The following ZFPL1 variants were observed in gnomAD, a reference collection of about 807,000 sequenced individuals.
ZFPL1 encodes zinc finger protein like 1.
Under a neutral mutation model 32.0 loss-of-function variants are expected in ZFPL1, and 28 were observed. The observed-to-expected ratio is 0.87, with a 90% confidence interval of 0.65 to 1.20. The LOEUF (loss-of-function observed/expected upper bound fraction) is 1.20. Ranked by LOEUF, ZFPL1 falls within the 50% of genes most tolerant of loss-of-function variation. The probability of loss-of-function intolerance (pLI) is 0.00; values close to 1 mark genes in which losing one functional copy is unlikely to be tolerated. For missense variants in ZFPL1, 386 were observed against 424.8 expected, an observed-to-expected ratio of 0.91 and a Z score of 0.80; for synonymous variants, 165 against 177.0, an observed-to-expected ratio of 0.93 and a Z score of 0.54.
chr11:65,088,229 C>CTAAG lies in ZFPL1; in HGVS notation c.*116_*119dup. 2 of 1,359,378 alleles carry CTAAG rather than the reference C, an allele frequency of 1.5e-6. No individual in the cohort carries two copies. The highest frequency in any genetic ancestry group is 2.0e-6 in the Non-Finnish European group (2 of 992,726). 84.2% of individuals were successfully genotyped at this position (1,359,378 alleles called of 1,614,324 possible). On this transcript the variant is annotated 3_prime_UTR_variant, in exon 8 of 8. Coordinates refer to ENST00000294258, the MANE Select transcript of ZFPL1 (RefSeq NM_006782.4). ...GCCCCTCTCCCTCAAGCCTAAGACA[C>CTAAG]TAAGACCCCAGACCCAAAGCCAAGT...
Position 65,084,330 on chromosome 11 carries a change from C to T in ZFPL1, c.-57C>T, listed in dbSNP as rs902279224. 9.8e-6 allele frequency: 5 copies of T among 510,662 alleles called. No homozygotes were observed. In the Admixed American group the frequency reaches 1.1e-4, roughly 12 times the overall value. 31.6% of individuals were successfully genotyped at this position (510,662 alleles called of 1,614,324 possible). On this transcript the variant is annotated 5_prime_UTR_variant, in exon 1 of 8. Transcript: ENST00000294258. ...CTTCCGCGCCTCGAGCCATCGCTAC[C>T]GCCCTTCGGAACCAGTGCAGCGGCC...
chr11:65,085,409 C>T, intron 3 of ZFPL1, 183 bp downstream of exon 3: 1 of 620,236 alleles, frequency 1.6e-6, no homozygotes, highest in Admixed American at 2.7e-5. Context: ...CTTTCTAGGC[C>T]TCACTGTCTT....
In ZFPL1 at chr11:65,084,253, G is replaced by GGCCGGGGCTGAAGGGAGAGGC. The variant is rs1264755896; in HGVS notation, c.-131_-111dup. On this transcript the variant is annotated 5_prime_UTR_variant, in exon 1 of 8. Transcript: ENST00000294258. The stretch of plus-strand genomic sequence containing the variant: ...GTGGCAGCGGAGGGATAATCGGGGC[G>GGCCGGGGCTGAAGGGAGAGGC]GCCGGGGCTGAAGGGAGAGGCGCAG... 16 of 572,536 alleles carry GGCCGGGGCTGAAGGGAGAGGC rather than the reference G, an allele frequency of 2.8e-5. No individual in the cohort carries two copies. The highest frequency in any genetic ancestry group is 4.6e-5 in the Non-Finnish European group (15 of 322,828). 35.5% of individuals were successfully genotyped at this position (572,536 alleles called of 1,614,324 possible). A position where few individuals can be genotyped will look rare whatever the true frequency, so the allele number is the denominator to read the frequency against.
intron 4 of ZFPL1, 39 bp from the exon 5 acceptor site, chr11:65,086,681 A>G (rs925857215): frequency 6.2e-7 from 1 of 1,614,152 alleles, no homozygotes; most frequent in East Asian, 2.2e-5. Flanking sequence ...GGGTGGGGAC[A>G]ATACTAGGCA....
chr11:65,088,145 G>A lies in ZFPL1; in HGVS notation c.*31G>A, dbSNP rs774765675. 5.0e-6 allele frequency: 8 copies of A among 1,589,344 alleles called. No homozygotes were observed. Among genetic ancestry groups the A allele is most frequent in the Middle Eastern group, 1.7e-4 (1 of 5,994 alleles). On this transcript the variant is annotated 3_prime_UTR_variant, in exon 8 of 8. Coordinates refer to ENST00000294258, the MANE Select transcript of ZFPL1 (RefSeq NM_006782.4). ...CTTGCTTGTGGCTAGGCCAGCCTAGGATGTGGGTTCTGTGGAGGAGAGGCG... is the reference window on the plus strand; with the variant it reads ...CTTGCTTGTGGCTAGGCCAGCCTAGAATGTGGGTTCTGTGGAGGAGAGGCG...
chr11:65,086,061 CTGTG>C (rs1947676279), intron 3 of ZFPL1: 2 of 355,466 alleles, frequency 5.6e-6, no homozygotes, highest in Admixed American at 4.6e-5. Flanking sequence ...ATATGTGTGC[CTGTG>C]TGTGTATCGA....
At chr11:65,087,118 G>A in intron 6 of ZFPL1, 44 bp downstream of exon 6, 1 of 1,595,898 alleles carries the variant, frequency 6.3e-7, no homozygotes, top group Non-Finnish European at 8.6e-7. Context: ...TAGGAAGAGG[G>A]TGGAATGGTT....
chr11:65,084,456 A>T (rs1947649998), intron 1 of ZFPL1, 78 bp downstream of exon 1: 1 of 564,694 alleles, frequency 1.8e-6, no homozygotes, highest in East Asian at 3.0e-5. Context: ...AGTATCGGGG[A>T]GCCTCTGATG....
Position 65,088,386 on chromosome 11 carries a change from A to G in ZFPL1, c.*272A>G. 2.1e-6 allele frequency: 3 copies of G among 1,454,158 alleles called. No individual in the cohort carries two copies. The South Asian group carries it at 3.6e-5, about 18-fold the overall frequency. 90.1% of individuals were successfully genotyped at this position (1,454,158 alleles called of 1,614,324 possible). A position where few individuals can be genotyped will look rare whatever the true frequency, so the allele number is the denominator to read the frequency against. On this transcript the variant is annotated 3_prime_UTR_variant, in exon 8 of 8. Coordinates refer to ENST00000294258, the MANE Select transcript of ZFPL1 (RefSeq NM_006782.4). ...GAGCTGGCAGGTGGAAATAAACAAC[A>G]ACTTTATTAAAACACCCGAGGCAGC...
Position 65,084,808 on chromosome 11 carries a change from C to T in ZFPL1, c.102+8C>T, listed in dbSNP as rs138490659. 110 of 1,614,050 alleles carry T rather than the reference C, an allele frequency of 6.8e-5. No individual in the cohort carries two copies. The East Asian group carries it at 2.4e-3, about 36-fold the overall frequency. On this transcript the variant is annotated splice_region_variant and intron_variant, in intron 2 of 7. Transcript: ENST00000294258. ...GTAGCCAATCACGCCAAGGTGGGGC[C>T]TTCAGGGGAGCGACTGAGCAGGGCA...
Position 65,086,436 on chromosome 11 carries a change from T to G in ZFPL1, c.236T>G (p.Leu79Arg). Reference protein sequence around the residue: ...VCYDLFHWACLNERAAQLPRN... With the variant: ...VCYDLFHWACRNERAAQLPRN... ...TAAGATCTCTTTCACTGGGCCTGCC[T>G]CAATGAACGTGCTGCCCAGCTACCC... The change falls in exon 4 of 8, where the codon CTC becomes CGC. Residue 79 changes from leucine to arginine, a missense_variant. Coordinates refer to ENST00000294258, the MANE Select transcript of ZFPL1 (RefSeq NM_006782.4). 6.2e-7 allele frequency: 1 copy of G among 1,614,094 alleles called. No homozygotes were observed. The highest frequency in any genetic ancestry group is 8.5e-7 in the Non-Finnish European group (1 of 1,180,020).
rs758943678 is a variant in ZFPL1 at position 65,085,266 on chromosome 11, G to C, written c.214+40G>C. 4.4e-6 allele frequency: 7 copies of C among 1,583,446 alleles called. No individual in the cohort carries two copies. In the African/African-American group the frequency reaches 9.4e-5, roughly 21 times the overall value. On this transcript the variant is annotated intron_variant, in intron 3 of 7. Coordinates refer to ENST00000294258, the MANE Select transcript of ZFPL1 (RefSeq NM_006782.4). Reference sequence around the variant, plus strand: ...CCTCGGGGGGATCAGGCCAGCCTCAGGGGCCAGCTTGGTGACTGGTTTCCA... The same window carrying C: ...CCTCGGGGGGATCAGGCCAGCCTCACGGGCCAGCTTGGTGACTGGTTTCCA...
chr11:65,087,473 G>A (rs768094687), intron 7 of ZFPL1, 40 bp downstream of exon 7: 2 of 1,594,048 alleles, frequency 1.3e-6, no homozygotes, highest in Non-Finnish European at 8.6e-7. Context: ...AGGAAGGGGT[G>A]GAGAGGGAAT....
chr11:65,087,767 C>A, intron 7 of ZFPL1, 161 bp from the exon 8 acceptor site: 1 of 754,898 alleles, frequency 1.3e-6, no homozygotes. Flanking sequence ...CTGGTTTGAG[C>A]TGCACAATAA....
Position 65,084,251 on chromosome 11 carries a change from G to A in ZFPL1, c.-136G>A, listed in dbSNP as rs1485517571. 1.9e-5 allele frequency: 11 copies of A among 573,762 alleles called. No homozygotes were observed. In the East Asian group the frequency reaches 2.4e-4, roughly 13 times the overall value. The allele number at this position is 573,762 out of a possible 1,614,324, so 35.5% of individuals were successfully genotyped here. ...ACGTGGCAGCGGAGGGATAATCGGG[G>A]CGGCCGGGGCTGAAGGGAGAGGCGC... On this transcript the variant is annotated 5_prime_UTR_variant, in exon 1 of 8. Coordinates refer to ENST00000294258, the MANE Select transcript of ZFPL1 (RefSeq NM_006782.4).
Position 65,086,650 on chromosome 11 carries a change from C to T in ZFPL1, c.408+42C>T, listed in dbSNP as rs753769053. 2.5e-6 allele frequency: 4 copies of T among 1,613,880 alleles called. No homozygotes were observed. In the South Asian group the frequency reaches 3.3e-5, roughly 13 times the overall value. ...TGTCTGACCATCTATCTGCCCTGGG[C>T]CCCACCTGAGTCAGATGGGTGGGTG... On this transcript the variant is annotated intron_variant, in intron 4 of 7. Transcript: ENST00000294258.
Position 65,087,030 on chromosome 11 carries a change from A to G in ZFPL1, c.584A>G (p.Gln195Arg), listed in dbSNP as rs747159671. ...RPPASPGRPE[Q>R]HTVIHMGNPE... ...CCAGCTTCCCCAGGCCGGCCCGAGCAGCACACAGTGATCCACATGGGCAAT... is the reference window on the plus strand; with the variant it reads ...CCAGCTTCCCCAGGCCGGCCCGAGCGGCACACAGTGATCCACATGGGCAAT... The change falls in exon 6 of 8, where the codon CAG (glutamine) becomes CGG (arginine). Residue 195 changes from glutamine to arginine, a missense_variant. Coordinates refer to ENST00000294258, the MANE Select transcript of ZFPL1 (RefSeq NM_006782.4). The G allele has an allele frequency of 2.5e-6, 4 of 1,613,994 alleles. No individual in the cohort carries two copies. The South Asian group carries it at 4.4e-5, about 18-fold the overall frequency.
In ZFPL1 at chr11:65,084,303, C is replaced by A. The variant is rs1947647185; in HGVS notation, c.-84C>A. ...GGAGCCCTGGGGAGAGTGGTCCCTG[C>A]CCTTCCGCGCCTCGAGCCATCGCTA... On this transcript the variant is annotated 5_prime_UTR_variant, in exon 1 of 8. Coordinates refer to ENST00000294258, the MANE Select transcript of ZFPL1 (RefSeq NM_006782.4). 1.9e-6 allele frequency: 1 copy of A among 531,536 alleles called. No individual in the cohort carries two copies. Among genetic ancestry groups the A allele is most frequent in the Non-Finnish European group, 3.3e-6 (1 of 300,546 alleles). 32.9% of individuals were successfully genotyped at this position (531,536 alleles called of 1,614,324 possible).
Position 65,085,987 on chromosome 11 carries a change from C to G in ZFPL1, c.215-428C>G. The G allele has an allele frequency of 5.3e-5, 9 of 169,296 alleles. No individual in the cohort carries two copies. In the South Asian group the frequency reaches 5.7e-4, roughly 11 times the overall value. The allele number at this position is 169,296 out of a possible 1,614,324, so 10.5% of individuals were successfully genotyped here. ...ACCCATAGTGTAGATATAGGGAATG[C>G]CACTTGTGTTTGATTATGTGCTTAT... On this transcript the variant is annotated intron_variant, in intron 3 of 7. Transcript: ENST00000294258.
Sources: allele counts gnomAD v4.1 joint callset, GRCh38; gene constraint gnomAD v4.1.1; transcripts MANE v1.5; gene names NCBI Gene and HGNC (gene_info 2026-07-23, HGNC 2026-07-21).